FYB1: variants seen among roughly 807,000 people sequenced by gnomAD.
FYB1 encodes the protein FYN binding protein 1.
In FYB1, 41 loss-of-function variants were observed where a neutral mutation model predicts 94.1. That is an observed-to-expected ratio of 0.44 (90% CI 0.34 to 0.57). The LOEUF (loss-of-function observed/expected upper bound fraction) is 0.57. Ranked by LOEUF, FYB1 falls within the 20% of genes least tolerant of loss-of-function variation. The probability of loss-of-function intolerance (pLI) is 0.02; values close to 1 mark genes in which losing one functional copy is unlikely to be tolerated. For synonymous variants in FYB1, 367 were observed against 353.2 expected, an observed-to-expected ratio of 1.04 and a Z score of -0.44; for missense variants, 1,050 against 976.8, an observed-to-expected ratio of 1.07 and a Z score of -1.00.
intron 1 of FYB1, among the ~76,000 whole-genome samples, chr5:39,263,711 C>T (rs1752318915): frequency 6.6e-6 from 1 of 152,122 alleles, no homozygotes; most frequent in Non-Finnish European, 1.5e-5. Flanking sequence ...GGACCTGTTC[C>T]CCTCAGAAAT....
At chr5:39,146,927 G>C (rs1742705321) in intron 3 of FYB1, among the ~76,000 whole-genome samples, 1 of 152,124 alleles carries the variant, frequency 6.6e-6, no homozygotes, top group African/African-American at 2.4e-5. Context: ...ATAGGTGCAG[G>C]TGCCATGAGT....
chr5:39,120,628 A>G (rs1011400385), intron 14 of FYB1, among the ~76,000 whole-genome samples: 2 of 152,182 alleles, frequency 1.3e-5, no homozygotes, highest in Non-Finnish European at 2.9e-5. Flanking sequence ...GTTGAGAACC[A>G]TTCACTAGAG....
rs1461424394 is a variant in FYB1 at position 39,139,495 on chromosome 5, G to T, written c.1340-243C>A. ...GCTTTCATAAAATAATGCAAAGGGC[G>T]AAAAATAATTAATACACTGTTTATT... On this transcript the variant is annotated intron_variant, in intron 4 of 18. Transcript: ENST00000512982. The T allele has an allele frequency of 1.0e-5, 3 of 289,310 alleles. No homozygotes were observed. The South Asian group carries it at 2.1e-4, about 21-fold the overall frequency. The allele number at this position is 289,310 out of a possible 1,614,324, so 17.9% of individuals were successfully genotyped here.
chr5:39,211,300 C>A (rs1250068250), intron 1 of FYB1, among the ~76,000 whole-genome samples: 3 of 148,908 alleles, frequency 2.0e-5, no homozygotes, highest in Admixed American at 6.8e-5. Context: ...ATTTCAGCTA[C>A]TATTTCTTTT....
intron 13 of FYB1, among the ~76,000 whole-genome samples, chr5:39,123,392 A>T (rs1446974249): frequency 6.6e-6 from 1 of 152,220 alleles, no homozygotes; most frequent in Non-Finnish European, 1.5e-5. Context: ...AAACATATTT[A>T]AGAACAACAA....
chr5:39,172,916 G>A (rs180937267), intron 2 of FYB1, among the ~76,000 whole-genome samples: 2 of 152,266 alleles, frequency 1.3e-5, no homozygotes, highest in African/African-American at 4.8e-5. Flanking sequence ...ACCTACAAGT[G>A]CATGTGTCTT....
At chr5:39,262,717 A>C (rs146256569) in intron 1 of FYB1, among the ~76,000 whole-genome samples, 165 of 152,340 alleles carry the variant, frequency 1.1e-3, no homozygotes, top group Non-Finnish European at 1.8e-3. Context: ...CAATAGAATT[A>C]CACAGCAATT....
intron 1 of FYB1, among the ~76,000 whole-genome samples, chr5:39,240,721 G>A (rs1053214882): frequency 7.2e-5 from 11 of 152,174 alleles, no homozygotes; most frequent in African/African-American, 2.7e-4. Context: ...CAGTGCTGGT[G>A]GATGTGTAAA....
chr5:39,237,857 G>T (rs1751037526), intron 1 of FYB1, among the ~76,000 whole-genome samples: 1 of 152,052 alleles, frequency 6.6e-6, no homozygotes, highest in Non-Finnish European at 1.5e-5. Flanking sequence ...AATTGTATTT[G>T]GCTAAAGCAT....
chr5:39,236,318 A>G (rs147319612), intron 1 of FYB1, among the ~76,000 whole-genome samples: 24 of 152,224 alleles, frequency 1.6e-4, no homozygotes, highest in African/African-American at 5.8e-4. Context: ...ACTTTAATAG[A>G]CTAAAGAAGG....
rs1308891983 is a variant in FYB1, at chr5:39,202,316, G to T, written c.645C>A (p.Pro215=). The T allele has an allele frequency of 1.9e-6, 3 of 1,613,714 alleles. No individual in the cohort carries two copies. The highest frequency in any genetic ancestry group is 1.3e-5 in the African/African-American group (1 of 74,862). The change falls in exon 2 of 19, where the codon CCC becomes CCA. Residue 215 remains proline, a synonymous_variant. Transcript: ENST00000512982. ...CTTTTGATGAAGACACATTCTTCAT[G>T]GGGCTTTCGTCTTCATGGGAGTTCT... is the stretch of plus-strand genomic sequence containing the variant. ...STENSHEDES[P]MKNVSSSKGS...
chr5:39,183,186 A>T (rs1387969241), intron 2 of FYB1, among the ~76,000 whole-genome samples: 1 of 151,954 alleles, frequency 6.6e-6, no homozygotes, highest in Non-Finnish European at 1.5e-5. Flanking sequence ...GGGTTTCTCC[A>T]TGTTGGTCAG....
intron 10 of FYB1, among the ~76,000 whole-genome samples, chr5:39,130,379 A>G (rs1229636413): frequency 1.3e-5 from 2 of 152,108 alleles, no homozygotes; most frequent in African/African-American, 4.8e-5. Context: ...TAACAATAAT[A>G]CATTGTACAT....
At chr5:39,135,682 G>A (rs1741618753) in intron 7 of FYB1, among the ~76,000 whole-genome samples, 1 of 152,094 alleles carries the variant, frequency 6.6e-6, no homozygotes, top group Admixed American at 6.5e-5. Flanking sequence ...TTTTGAAGAA[G>A]CTCTACCTTT....
At chr5:39,236,657 A>C (rs1239095022) in intron 1 of FYB1, among the ~76,000 whole-genome samples, 1 of 152,192 alleles carries the variant, frequency 6.6e-6, no homozygotes, top group East Asian at 1.9e-4. Flanking sequence ...GGGAATAACA[A>C]GGAACAATCA....
At chr5:39,139,191 C>T (rs747407905) in intron 5 of FYB1, 42 bp downstream of exon 5, 1 of 1,419,990 alleles carries the variant, frequency 7.0e-7, no homozygotes, top group Admixed American at 2.4e-5. Flanking sequence ...GTGAAATATT[C>T]TGATTATGTC....
intron 1 of FYB1, among the ~76,000 whole-genome samples, chr5:39,259,331 C>A (rs949979647): frequency 2.6e-5 from 4 of 152,178 alleles, no homozygotes; most frequent in Admixed American, 1.3e-4. Flanking sequence ...CAGCACAGCA[C>A]CAGGAGCTAG....
At chr5:39,184,085 C>A (rs1012357481) in intron 2 of FYB1, among the ~76,000 whole-genome samples, 13 of 151,970 alleles carry the variant, frequency 8.6e-5, no homozygotes, top group Admixed American at 7.9e-4. Flanking sequence ...GAAGAAAAGG[C>A]AATTTTTGGT....
intron 16 of FYB1, among the ~76,000 whole-genome samples, chr5:39,111,350 A>G (rs980339516): frequency 1.3e-5 from 2 of 151,988 alleles, no homozygotes; most frequent in South Asian, 4.1e-4. Flanking sequence ...GGTCCACTTT[A>G]GATCTAATTT....
Sources: gnomAD v4.1 joint callset for allele counts (sites outside exome capture counted in the v4.1 genomes callset) on GRCh38, gnomAD v4.1.1 for gene constraint, MANE v1.5 for transcripts, NCBI Gene and HGNC (gene_info 2026-07-23, HGNC 2026-07-21) for gene names.